Variants in SLC9C2 observed in about 807,000 individuals in gnomAD.
The protein encoded by SLC9C2 is sodium/hydrogen exchanger 11.
SLC9C2 carries 75 observed loss-of-function variants against 140.2 expected under a neutral mutation model. That is an observed-to-expected ratio of 0.53 (90% CI 0.44 to 0.65). SLC9C2 has a LOEUF of 0.65. SLC9C2 is among the 30% of genes least tolerant of loss of function. The pLI is 0.00. For missense variants in SLC9C2, 1,074 were observed against 1,331.8 expected (o/e 0.81, Z 3.01); for synonymous variants, 375 against 420.9 (o/e 0.89, Z 1.34).
intron 4 of SLC9C2, among the ~76,000 whole-genome samples, chr1:173,589,408 A>G (rs192381587): frequency 7.9e-5 from 12 of 152,156 alleles, no homozygotes; most frequent in Admixed American, 7.8e-4. Flanking sequence ...AAATAAGAAA[A>G]AATTAGCCAG....
chr1:173,511,451 G>A (rs576838459), intron 23 of SLC9C2, among the ~76,000 whole-genome samples: 13 of 107,834 alleles, frequency 1.2e-4, no homozygotes, highest in East Asian at 2.2e-3. Context: ...TGTTGGCTAC[G>A]TAAATTGTCT....
chr1:173,524,922 T>A lies in SLC9C2; in HGVS notation c.2371A>T (p.Met791Leu). ...KQDAVKELVL[M>L]EHEGRDVVIA... ...ACAACATCACGACCCTCATGCTCCA[T>A]GAGTACTACAGCAAAGAAAATAAAA... is the stretch of plus-strand genomic sequence containing the variant. Residue 791 changes from methionine (M) to leucine (L), a missense_variant, in exon 20 of 28, where the codon ATG becomes TTG. Coordinates refer to ENST00000367714, the MANE Select transcript of SLC9C2 (RefSeq NM_178527.4). The A allele has an allele frequency of 6.2e-7, 1 of 1,613,848 alleles. No individual in the cohort carries two copies. Among genetic ancestry groups the A allele is most frequent in the South Asian group, 1.1e-5 (1 of 90,994 alleles).
Position 173,530,064 on chromosome 1 carries a change from T to C in SLC9C2, c.2164-10A>G, listed in dbSNP as rs1046589654. 1 of 1,570,010 alleles carries C rather than the reference T, an allele frequency of 6.4e-7. No homozygotes were observed. The highest frequency in any genetic ancestry group is 1.4e-5 in the African/African-American group (1 of 72,058). On this transcript the variant is annotated splice_polypyrimidine_tract_variant and intron_variant, in intron 17 of 27. Transcript: ENST00000367714. ...GTATTGGTACTATTATCTGGAATAA[T>C]GAGAAGAAGAAAAAAAAACCTGTAC...
At chr1:173,515,556 C>CCTA (rs1558019194) in intron 23 of SLC9C2, among the ~76,000 whole-genome samples, 1 of 152,152 alleles carries the variant, frequency 6.6e-6, no homozygotes, top group Non-Finnish European at 1.5e-5. Context: ...GTTAGCAGCT[C>CCTA]CTGTAACCTT....
intron 10 of SLC9C2, among the ~76,000 whole-genome samples, chr1:173,555,098 G>A (rs1287729691): frequency 6.6e-6 from 1 of 152,192 alleles, no homozygotes; most frequent in Non-Finnish European, 1.5e-5. Context: ...TGCCACTCCT[G>A]GCAGCAGTCA....
In SLC9C2 at chr1:173,503,410, T is replaced by C. The variant is rs950456923; in HGVS notation, c.3311-84A>G. 7 of 1,262,984 alleles carry C rather than the reference T, an allele frequency of 5.5e-6. No individual in the cohort carries two copies. The Admixed American group carries it at 5.8e-5, about 10-fold the overall frequency. The allele number at this position is 1,262,984 out of a possible 1,614,324, so 78.2% of individuals were successfully genotyped here. On this transcript the variant is annotated intron_variant, in intron 26 of 27. Coordinates refer to ENST00000367714, the MANE Select transcript of SLC9C2 (RefSeq NM_178527.4). Reference sequence around the variant, plus strand: ...ACCAGAAAATATTTTGAAATATCTATTTGCTTTCTCCCTATAAGTTTCCCT... The same window carrying C: ...ACCAGAAAATATTTTGAAATATCTACTTGCTTTCTCCCTATAAGTTTCCCT...
At chr1:173,585,945 G>T (rs1665826973) in intron 5 of SLC9C2, among the ~76,000 whole-genome samples, 2 of 151,318 alleles carry the variant, frequency 1.3e-5, no homozygotes, top group Admixed American at 1.3e-4. Flanking sequence ...TCCAGCCTGG[G>T]GTATAGAGCG....
chr1:173,518,785 G>T (rs12080722), intron 22 of SLC9C2, among the ~76,000 whole-genome samples: 77,483 of 151,880 alleles, frequency 0.51, 21,522 homozygotes, highest in East Asian at 0.95. Flanking sequence ...GTTTGAATTT[G>T]TTTTTAATGG....
At chr1:173,596,419 A>G (rs1479729708) in intron 4 of SLC9C2, 1 of 152,126 alleles carries the variant, frequency 6.6e-6, no homozygotes, top group Non-Finnish European at 1.5e-5. Context: ...CATTGTCTTC[A>G]TATCTTCACC....
At chr1:173,556,620 A>C (rs1435879567) in intron 10 of SLC9C2, among the ~76,000 whole-genome samples, 1 of 152,132 alleles carries the variant, frequency 6.6e-6, no homozygotes, top group Non-Finnish European at 1.5e-5. Flanking sequence ...GCTATTGAAA[A>C]ATTGCATTTG....
intron 9 of SLC9C2, among the ~76,000 whole-genome samples, chr1:173,563,605 G>A (rs1163983551): frequency 1.3e-5 from 2 of 152,196 alleles, no homozygotes; most frequent in South Asian, 2.1e-4. Context: ...GTGTATTTAT[G>A]GGGTACATGA....
At chr1:173,601,493 T>C (rs1666781090) in intron 2 of SLC9C2, among the ~76,000 whole-genome samples, 157 bp downstream of exon 2, 1 of 152,220 alleles carries the variant, frequency 6.6e-6, no homozygotes, top group African/African-American at 2.4e-5. Flanking sequence ...GAATAGACAC[T>C]ACTTATAATT....
At chr1:173,538,441 T>C (rs902969969) in intron 13 of SLC9C2, among the ~76,000 whole-genome samples, 1 of 149,082 alleles carries the variant, frequency 6.7e-6, no homozygotes, top group African/African-American at 2.6e-5. Flanking sequence ...AACAAATGTT[T>C]ATTAAATGCC....
intron 7 of SLC9C2, among the ~76,000 whole-genome samples, chr1:173,579,884 C>T (rs1333910703): frequency 1.3e-5 from 2 of 152,152 alleles, no homozygotes; most frequent in Admixed American, 6.5e-5. Context: ...CTCTAGGGAA[C>T]CCCATCCTAC....
At chr1:173,531,270 G>A (rs1490344541) in intron 17 of SLC9C2, among the ~76,000 whole-genome samples, 1 of 152,196 alleles carries the variant, frequency 6.6e-6, no homozygotes, top group Non-Finnish European at 1.5e-5. Flanking sequence ...GAGCATGCTA[G>A]ACAGAAGGGA....
chr1:173,601,553 G>T, intron 2 of SLC9C2, 97 bp downstream of exon 2: 2 of 1,358,766 alleles, frequency 1.5e-6, no homozygotes, highest in Non-Finnish European at 2.0e-6. Flanking sequence ...GTTTCAATGG[G>T]CCCCTTCTTT....
At chr1:173,549,550 T>C (rs1264787871) in intron 11 of SLC9C2, among the ~76,000 whole-genome samples, 1 of 152,200 alleles carries the variant, frequency 6.6e-6, no homozygotes, top group Non-Finnish European at 1.5e-5. Flanking sequence ...GTGGCACCAG[T>C]ACATCTGAAT....
At chr1:173,587,032 GA>G (rs1004513593) in intron 5 of SLC9C2, among the ~76,000 whole-genome samples, 232 of 146,208 alleles carry the variant, frequency 1.6e-3, no homozygotes, top group African/African-American at 5.2e-3. Flanking sequence ...AAGGAACAAA[GA>G]AAAAAAAAAC....
At chr1:173,524,592 A>G (rs1464255286) in intron 20 of SLC9C2, among the ~76,000 whole-genome samples, 187 bp downstream of exon 20, 1 of 152,196 alleles carries the variant, frequency 6.6e-6, no homozygotes, top group Non-Finnish European at 1.5e-5. Flanking sequence ...GCAATCAAGT[A>G]GTTTTGACAA....
Sources: allele counts gnomAD v4.1 joint callset (sites outside exome capture counted in the v4.1 genomes callset), GRCh38; gene constraint gnomAD v4.1.1; transcripts MANE v1.5; gene names NCBI Gene and HGNC (gene_info 2026-07-23, HGNC 2026-07-21).